Variants in ATP13A4 observed in about 807,000 individuals in gnomAD.
The protein encoded by ATP13A4 is probable cation-transporting ATPase 13A4.
A neutral mutation model predicts 142.5 loss-of-function variants in ATP13A4; 114 were observed. The ratio of observed to expected loss-of-function variants is 0.80; its 90% CI spans 0.69 to 0.93. ATP13A4 has a LOEUF of 0.93. Among genes scored for constraint, ATP13A4 ranks in the 40% least tolerant of loss-of-function variants. ATP13A4 has a pLI of 0.00. For missense variants in ATP13A4, 1,392 were observed against 1,454.0 expected (o/e 0.96, Z 0.69); for synonymous variants, 488 against 514.8 (o/e 0.95, Z 0.70).
At chr3:193,479,996 G>A (rs914869847) in intron 8 of ATP13A4, among the ~76,000 whole-genome samples, 32 of 151,848 alleles carry the variant, frequency 2.1e-4, no homozygotes, top group Admixed American at 1.4e-3. Context: ...TTGACAAAGC[G>A]AACACAAACA....
chr3:193,519,012 T>G (rs1721574175), intron 1 of ATP13A4, among the ~76,000 whole-genome samples: 1 of 152,132 alleles, frequency 6.6e-6, no homozygotes, highest in African/African-American at 2.4e-5. Context: ...CAGGAATGCT[T>G]CTAAGCACCC....
chr3:193,466,296 C>T (rs1718282840), intron 10 of ATP13A4, 114 bp from the exon 11 acceptor site: 4 of 1,303,618 alleles, frequency 3.1e-6, no homozygotes, highest in Non-Finnish European at 3.3e-6. Context: ...AGTGTTTAAG[C>T]TCAAAGGCAA....
chr3:193,402,794 T>C lies in ATP13A4; in HGVS notation c.3449A>G (p.Gln1150Arg), dbSNP rs922330953. ...CAAGTCCCTCTGCCATATCCGATAC[T>C]GGCTTTTTGACTGATAGCCGAAACA... is the stretch of plus-strand genomic sequence containing the variant. The part of the protein sequence containing the change: ...KRCFGYQSKS[Q>R]YRIWQRDLAN... Residue 1150 changes from glutamine to arginine, a missense_variant, in exon 30 of 30, where the codon CAG becomes CGG. Coordinates refer to ENST00000342695, the MANE Select transcript of ATP13A4 (RefSeq NM_032279.4). The C allele has an allele frequency of 1.2e-6, 2 of 1,614,184 alleles. No homozygotes were observed. The highest frequency in any genetic ancestry group is 3.3e-5 in the Admixed American group (2 of 60,016).
chr3:193,418,055 G>C (rs1715181840), intron 25 of ATP13A4, among the ~76,000 whole-genome samples: 1 of 122,468 alleles, frequency 8.2e-6, no homozygotes, highest in South Asian at 3.0e-4. Context: ...CCGGGAGGCA[G>C]AGCTTGCAGT....
chr3:193,443,824 A>T (rs1716794799), intron 18 of ATP13A4, among the ~76,000 whole-genome samples: 1 of 152,218 alleles, frequency 6.6e-6, no homozygotes, highest in African/African-American at 2.4e-5. Context: ...CTTTAGAATT[A>T]AAAAATATAA....
At chr3:193,504,209 T>C (rs955850613) in intron 2 of ATP13A4, among the ~76,000 whole-genome samples, 2 of 152,060 alleles carry the variant, frequency 1.3e-5, no homozygotes, top group African/African-American at 4.8e-5. Flanking sequence ...TGTATGGAGT[T>C]AAGAATGATG....
intron 1 of ATP13A4, among the ~76,000 whole-genome samples, chr3:193,535,904 A>G (rs912039474): frequency 6.6e-6 from 1 of 152,104 alleles, no homozygotes; most frequent in Admixed American, 6.5e-5. Context: ...CAATTGCTTG[A>G]AAAACACAAA....
chr3:193,440,371 A>G, intron 21 of ATP13A4, 187 bp downstream of exon 21: 1 of 1,120,166 alleles, frequency 8.9e-7, no homozygotes, highest in East Asian at 2.7e-5. Context: ...CAACTGAATC[A>G]GGATCTCTGA....
At chr3:193,434,459 C>T (rs1407351591) in intron 24 of ATP13A4, among the ~76,000 whole-genome samples, 2 of 152,204 alleles carry the variant, frequency 1.3e-5, no homozygotes, top group Non-Finnish European at 2.9e-5. Flanking sequence ...AACTCACTCA[C>T]TTTCTTGCTC....
chr3:193,576,300 T>G (rs1724393943), intron 2 of ATP13A4, among the ~76,000 whole-genome samples: 1 of 128,724 alleles, frequency 7.8e-6, no homozygotes, highest in Non-Finnish European at 1.6e-5. Flanking sequence ...AGTCTCGCTC[T>G]GTCGCCCAGG....
chr3:193,534,830 AT>A (rs1722509339), intron 1 of ATP13A4, among the ~76,000 whole-genome samples: 1 of 152,170 alleles, frequency 6.6e-6, no homozygotes, highest in Non-Finnish European at 1.5e-5. Flanking sequence ...GGCCGAAAAC[AT>A]CTCAAATTTG....
chr3:193,441,015 C>A (rs112863389), intron 20 of ATP13A4, among the ~76,000 whole-genome samples: 11,496 of 149,180 alleles, frequency 0.077, 465 homozygotes, highest in East Asian at 0.13. Flanking sequence ...CTCTCTCTCT[C>A]TCTATATATA....
chr3:193,448,425 AC>A (rs1717083760), intron 17 of ATP13A4, 95 bp from the exon 18 acceptor site: 1 of 1,500,224 alleles, frequency 6.7e-7, no homozygotes, highest in African/African-American at 1.4e-5. Context: ...AGGCTGGAGG[AC>A]AGTGGTTCAA....
chr3:193,509,172 C>G (rs991427029), intron 2 of ATP13A4, among the ~76,000 whole-genome samples: 2 of 152,328 alleles, frequency 1.3e-5, no homozygotes, highest in East Asian at 3.9e-4. Context: ...TGCCTGCCCC[C>G]AGCAGCCACC....
chr3:193,508,577 G>A (rs1246611877), intron 2 of ATP13A4, among the ~76,000 whole-genome samples: 1 of 152,178 alleles, frequency 6.6e-6, no homozygotes, highest in African/African-American at 2.4e-5. Context: ...AAATGGCCCT[G>A]TATTATAAAG....
At chr3:193,497,294 A>G (rs1720296977) in intron 3 of ATP13A4, among the ~76,000 whole-genome samples, 1 of 152,176 alleles carries the variant, frequency 6.6e-6, no homozygotes, top group Admixed American at 6.5e-5. Flanking sequence ...AGACACACAA[A>G]TGGCTCACAG....
intron 1 of ATP13A4, among the ~76,000 whole-genome samples, chr3:193,540,194 T>G (rs1200772610): frequency 6.6e-6 from 1 of 152,058 alleles, no homozygotes; most frequent in Admixed American, 6.5e-5. Context: ...CGCAGTTTGC[T>G]GCAAGAGCCC....
At chr3:193,451,406 G>C (rs904137072) in intron 17 of ATP13A4, among the ~76,000 whole-genome samples, 2 of 152,192 alleles carry the variant, frequency 1.3e-5, no homozygotes, top group African/African-American at 2.4e-5. Flanking sequence ...CAGGAGGCTG[G>C]AGTTCTAATG....
At chr3:193,587,339 C>A (rs890819137) in intron 1 of ATP13A4, among the ~76,000 whole-genome samples, 1 of 152,230 alleles carries the variant, frequency 6.6e-6, no homozygotes, top group Non-Finnish European at 1.5e-5. Context: ...TACCAGCATT[C>A]CTTGGCTTAC....
Sources: gnomAD v4.1 joint callset for allele counts (sites outside exome capture counted in the v4.1 genomes callset) on GRCh38, gnomAD v4.1.1 for gene constraint, MANE v1.5 for transcripts, NCBI Gene and HGNC (gene_info 2026-07-23, HGNC 2026-07-21) for gene names.